Variants in DCC observed in about 807,000 individuals in gnomAD.
The protein encoded by DCC is netrin receptor DCC.
In DCC, 58 loss-of-function variants were observed where a neutral mutation model predicts 172.5. The ratio of observed to expected loss-of-function variants is 0.34; its 90% CI spans 0.27 to 0.42. The LOEUF (loss-of-function observed/expected upper bound fraction) is 0.42. Ranked by LOEUF, DCC falls within the 10% of genes least tolerant of loss-of-function variation. The pLI, the probability that DCC is intolerant of heterozygous loss-of-function variation, is 1.00. For missense variants in DCC, 1,740 were observed against 1,791.0 expected (o/e 0.97, Z 0.51); for synonymous variants, 709 against 644.5 (o/e 1.10, Z -1.52).
chr18:52,771,925 G>A (rs1306880678), intron 2 of DCC, among the ~76,000 whole-genome samples: 1 of 150,850 alleles, frequency 6.6e-6, no homozygotes, highest in African/African-American at 2.4e-5. Context: ...CTATCTCAGT[G>A]AGGCTGTTGT....
chr18:53,082,556 A>G (rs2042821913), intron 7 of DCC, among the ~76,000 whole-genome samples: 1 of 152,128 alleles, frequency 6.6e-6, no homozygotes, highest in South Asian at 2.1e-4. Context: ...AGACTTTATA[A>G]TTGTTTTTGT....
rs2056612910 is a variant in DCC at position 53,262,106 on chromosome 18, A to G, written c.1912-43472A>G. On this transcript the variant is annotated intron_variant, in intron 12 of 28. Coordinates refer to ENST00000442544, the MANE Select transcript of DCC (RefSeq NM_005215.4). ...TCTGTTCTTACACAAAGAACAGCAG[A>G]TAAACTGGAAATCTTAGAGGCTTTC... Among the ~76,000 whole-genome samples, 2 of 152,210 alleles carry G rather than the reference A, an allele frequency of 1.3e-5. 1 individual carries two copies. The highest frequency in any genetic ancestry group is 4.1e-4 in the South Asian group (2 of 4,828).
intron 5 of DCC, among the ~76,000 whole-genome samples, chr18:52,976,021 T>G (rs2041111625): frequency 6.6e-6 from 1 of 152,134 alleles, no homozygotes; most frequent in Non-Finnish European, 1.5e-5. Context: ...CCAGCTCCTG[T>G]TATTTTTTGA....
At chr18:52,342,441 C>G (rs893329081) in intron 1 of DCC, among the ~76,000 whole-genome samples, 1 of 108,064 alleles carries the variant, frequency 9.3e-6, no homozygotes, top group African/African-American at 3.7e-5. Flanking sequence ...TCAACAATTA[C>G]TCTCGCAAAA....
intron 1 of DCC, among the ~76,000 whole-genome samples, chr18:52,493,567 G>A (rs2030608675): frequency 6.6e-6 from 1 of 151,650 alleles, no homozygotes; most frequent in African/African-American, 2.4e-5. Flanking sequence ...TGTCCTTAAT[G>A]TTATATTGGG....
chr18:53,460,716 T>C (rs546032267), intron 24 of DCC, among the ~76,000 whole-genome samples: 2 of 152,152 alleles, frequency 1.3e-5, no homozygotes, highest in Non-Finnish European at 2.9e-5. Flanking sequence ...GTCTTTGCTA[T>C]TGTGAATAAT....
intron 1 of DCC, among the ~76,000 whole-genome samples, chr18:52,402,010 G>A (rs185077468): frequency 2.6e-5 from 4 of 152,010 alleles, no homozygotes; most frequent in Admixed American, 6.6e-5. Flanking sequence ...CACATAAGAT[G>A]GTTGACTGTC....
At chr18:53,190,365 T>A (rs1323917617) in intron 9 of DCC, among the ~76,000 whole-genome samples, 1 of 152,082 alleles carries the variant, frequency 6.6e-6, no homozygotes, top group East Asian at 1.9e-4. Flanking sequence ...ACCCAACTCC[T>A]ACATTAGATA....
intron 14 of DCC, among the ~76,000 whole-genome samples, chr18:53,332,294 G>T (rs1263670942): frequency 6.6e-6 from 1 of 152,002 alleles, no homozygotes; most frequent in East Asian, 1.9e-4. Flanking sequence ...AGTAAAATAT[G>T]AAATAATAAG....
intron 1 of DCC, among the ~76,000 whole-genome samples, chr18:52,737,278 C>G (rs2036744680): frequency 6.6e-6 from 1 of 152,058 alleles, no homozygotes; most frequent in Non-Finnish European, 1.5e-5. Flanking sequence ...TCCAAGACCC[C>G]ACAAGACACC....
intron 27 of DCC, among the ~76,000 whole-genome samples, chr18:53,514,719 A>T (rs1485559858): frequency 6.9e-6 from 1 of 145,742 alleles, no homozygotes; most frequent in African/African-American, 2.5e-5. Context: ...TAAATTCCTC[A>T]ACACATACAC....
chr18:53,341,642 A>T (rs1322095386), intron 15 of DCC, among the ~76,000 whole-genome samples: 2 of 152,184 alleles, frequency 1.3e-5, no homozygotes, highest in African/African-American at 4.8e-5. Flanking sequence ...TATGAAATAC[A>T]GTAATTAGCA....
intron 2 of DCC, among the ~76,000 whole-genome samples, chr18:52,770,518 A>G (rs2037323524): frequency 6.6e-6 from 1 of 152,180 alleles, no homozygotes; most frequent in Admixed American, 6.5e-5. Context: ...AGGCTTCCTG[A>G]GAGCAGTCAG....
chr18:52,419,728 A>G (rs1189698655), intron 1 of DCC: 1 of 152,066 alleles, frequency 6.6e-6, no homozygotes, highest in Admixed American at 6.6e-5. Context: ...TTAATGTGGA[A>G]CCTGAAATTC....
chr18:53,093,352 A>G (rs942730647), intron 7 of DCC, among the ~76,000 whole-genome samples: 2 of 152,222 alleles, frequency 1.3e-5, no homozygotes, highest in African/African-American at 4.8e-5. Flanking sequence ...AAAATTTTGA[A>G]TAACACGTTA....
chr18:52,840,777 T>C (rs1449941771), intron 2 of DCC, among the ~76,000 whole-genome samples: 1 of 152,220 alleles, frequency 6.6e-6, no homozygotes, highest in Non-Finnish European at 1.5e-5. Flanking sequence ...ATCATTAACA[T>C]ATTTATTCAA....
intron 1 of DCC, among the ~76,000 whole-genome samples, chr18:52,462,657 A>T (rs898797885): frequency 1.3e-5 from 2 of 152,004 alleles, no homozygotes; most frequent in Non-Finnish European, 2.9e-5. Context: ...TTTTCTCCAT[A>T]GGACTCACTA....
chr18:53,139,871 T>C (rs992803452), intron 7 of DCC, among the ~76,000 whole-genome samples: 2 of 152,118 alleles, frequency 1.3e-5, no homozygotes, highest in Admixed American at 1.3e-4. Context: ...TGATCACTAG[T>C]GCTTATACTC....
At chr18:52,403,887 GA>G (rs1229440504) in intron 1 of DCC, among the ~76,000 whole-genome samples, 7 of 152,060 alleles carry the variant, frequency 4.6e-5, no homozygotes, top group Non-Finnish European at 1.0e-4. Flanking sequence ...TTCACTGAGA[GA>G]TGAACAAATA....
Sources: gnomAD v4.1 joint callset for allele counts (sites outside exome capture counted in the v4.1 genomes callset) on GRCh38, gnomAD v4.1.1 for gene constraint, MANE v1.5 for transcripts, NCBI Gene and HGNC (gene_info 2026-07-23, HGNC 2026-07-21) for gene names.